ATAD2B: variants seen among roughly 807,000 people sequenced by gnomAD.
The protein encoded by ATAD2B is ATPase family AAA domain containing 2B, also known as ATPase family AAA domain-containing protein 2B.
ATAD2B carries 40 observed loss-of-function variants against 167.6 expected under a neutral mutation model. The observed-to-expected ratio is 0.24, with a 90% CI of 0.19 to 0.31. The LOEUF (loss-of-function observed/expected upper bound fraction) is 0.31, where lower values mean the gene tolerates loss of function less well. Ranked by LOEUF, ATAD2B falls within the 10% of genes least tolerant of loss-of-function variation. The probability of loss-of-function intolerance (pLI) is 1.00; values close to 1 mark genes in which losing one functional copy is unlikely to be tolerated. For synonymous variants in ATAD2B, 579 were observed against 596.5 expected (o/e 0.97, Z 0.43); for missense variants, 1,242 against 1,757.2 (o/e 0.71, Z 5.24).
At chr2:23,752,916 T>A (rs780138452) in intron 27 of ATAD2B, among the ~76,000 whole-genome samples, 2 of 152,134 alleles carry the variant, frequency 1.3e-5, no homozygotes, top group African/African-American at 4.8e-5. Context: ...GGCCTCTAGA[T>A]TATTAGGATT....
Position 23,926,730 on chromosome 2 carries a change from G to C in ATAD2B, c.41C>G (p.Ser14Cys), listed in dbSNP as rs1704922887. The change falls in exon 1 of 28, where the codon TCC (serine) becomes TGC (cysteine). Residue 14 changes from serine to cysteine, a missense_variant. By Grantham distance (112) the Ser-to-Cys change is moderately radical. This residue lies in a region of ATAD2B where 199 missense variants were observed against 194.9 expected (regional missense o/e 1.02). Transcript: ENST00000238789. ...CCCAGGCCCGGGACCAGGAGACTTG[G>C]ACCCGAGAAGGCGGAGAGAGCTCTT... ...TRKSSLRLLG[S>C]KSPGPGPGPG... is the part of the protein sequence containing the mutation. 1.3e-6 allele frequency: 2 copies of C among 1,548,604 alleles called. No homozygotes were observed. The highest frequency in any genetic ancestry group is 8.7e-7 in the Non-Finnish European group (1 of 1,146,416).
At chr2:23,841,803 A>T (rs1483146660) in intron 13 of ATAD2B, among the ~76,000 whole-genome samples, 2 of 152,234 alleles carry the variant, frequency 1.3e-5, no homozygotes, top group African/African-American at 4.8e-5. Flanking sequence ...AGCGTGAGCC[A>T]CTACACTCAT....
chr2:23,770,329 C>CAAACAAAT (rs777407055), intron 22 of ATAD2B, among the ~76,000 whole-genome samples: 11 of 151,094 alleles, frequency 7.3e-5, no homozygotes, highest in South Asian at 2.1e-4. Context: ...AATAAATAAA[C>CAAACAAAT]AAATAAATAA....
intron 14 of ATAD2B, chr2:23,832,720 A>G (rs538778142): frequency 7.2e-5 from 11 of 152,782 alleles, no homozygotes; most frequent in African/African-American, 2.6e-4. Flanking sequence ...TGATTGGCAT[A>G]TAGACTCTGA....
intron 22 of ATAD2B, among the ~76,000 whole-genome samples, chr2:23,768,565 C>G (rs946523270): frequency 1.3e-5 from 2 of 150,784 alleles, no homozygotes; most frequent in Admixed American, 6.6e-5. Flanking sequence ...AAGCAAGATC[C>G]TGTCTCCAAA....
intron 1 of ATAD2B, among the ~76,000 whole-genome samples, chr2:23,904,113 A>C (rs1284859333): frequency 6.6e-6 from 1 of 152,164 alleles, no homozygotes; most frequent in Admixed American, 6.6e-5. Context: ...AGTTGAAGTG[A>C]GTTAAGGAGC....
chr2:23,903,629 A>T, intron 1 of ATAD2B, among the ~76,000 whole-genome samples: 1 of 152,232 alleles, frequency 6.6e-6, no homozygotes, highest in Non-Finnish European at 1.5e-5. Flanking sequence ...AGAAATGAAT[A>T]GATGCTGCTC....
intron 16 of ATAD2B, 60 bp downstream of exon 16, chr2:23,823,198 A>G: frequency 2.3e-6 from 3 of 1,302,630 alleles, no homozygotes; most frequent in Non-Finnish European, 3.2e-6. Context: ...TGAGGAAACT[A>G]TATTTATTTA....
chr2:23,875,986 C>T, intron 7 of ATAD2B, 82 bp from the exon 8 acceptor site: 1 of 1,080,638 alleles, frequency 9.3e-7, no homozygotes, highest in Non-Finnish European at 1.3e-6. Context: ...ATGACTTCTG[C>T]TCACTTTTTT....
intron 10 of ATAD2B, 98 bp from the exon 11 acceptor site, chr2:23,865,022 C>G (rs562881808): frequency 9.5e-5 from 60 of 628,376 alleles, no homozygotes; most frequent in Middle Eastern, 8.5e-4. Flanking sequence ...GAAATACATG[C>G]CTTTAGCAGA....
At chr2:23,792,811 A>T (rs1386134457) in intron 19 of ATAD2B, among the ~76,000 whole-genome samples, 2 of 151,550 alleles carry the variant, frequency 1.3e-5, no homozygotes, top group Non-Finnish European at 2.9e-5. Context: ...AAATACAAAA[A>T]ATTAGCTGGG....
intron 1 of ATAD2B, among the ~76,000 whole-genome samples, chr2:23,898,546 A>G (rs957559195): frequency 1.3e-5 from 2 of 152,226 alleles, no homozygotes; most frequent in African/African-American, 2.4e-5. Context: ...CAATGAAGCT[A>G]TAACTCAACC....
intron 1 of ATAD2B, among the ~76,000 whole-genome samples, chr2:23,915,509 C>T (rs932211570): frequency 6.7e-6 from 1 of 149,894 alleles, no homozygotes; most frequent in Non-Finnish European, 1.5e-5. Context: ...CCAGGCTGGA[C>T]TCAAGCCATC....
chr2:23,833,689 C>T (rs184000883), intron 14 of ATAD2B, among the ~76,000 whole-genome samples: 1 of 152,298 alleles, frequency 6.6e-6, no homozygotes, highest in African/African-American at 2.4e-5. Flanking sequence ...TAAGCATCTA[C>T]AGTGATCTAT....
At chr2:23,733,779 ATC>A in the ATAD2B span, among the ~76,000 whole-genome samples, 10 of 152,250 alleles carry the variant, frequency 6.6e-5, 1 homozygote, top group South Asian at 1.5e-3. Context: ...CCTAGAAATG[ATC>A]TCTTTCTCAC....
rs796761000 is a variant in ATAD2B, at chr2:23,859,798, A to C, written c.1480-2295T>G. On this transcript the variant is annotated intron_variant, in intron 12 of 27. Coordinates refer to ENST00000238789, the MANE Select transcript of ATAD2B (RefSeq NM_017552.4). ...CGCCGTCTCTACTAAAAACACAAAAATTAGCCACGCGTGGCGGGGGGGGCA... is the reference window on the plus strand; with the variant it reads ...CGCCGTCTCTACTAAAAACACAAAACTTAGCCACGCGTGGCGGGGGGGGCA... Among the ~76,000 whole-genome samples the C allele has an allele frequency of 7.3e-5, 11 of 151,280 alleles. 1 individual carries two copies. Among genetic ancestry groups the C allele is most frequent in the African/African-American group, 2.7e-4 (11 of 41,202 alleles).
chr2:23,725,406 A>G, the ATAD2B span, among the ~76,000 whole-genome samples: 33 of 152,238 alleles, frequency 2.2e-4, no homozygotes, highest in African/African-American at 7.7e-4. Context: ...AATATAACAG[A>G]TTATGTCTTA....
In ATAD2B at chr2:23,823,233, A is replaced by G. The variant is rs554740038; in HGVS notation, c.2131+25T>C. ...ATTCCTGTATTTGTTTCATCTTAAC[A>G]ATATAAAAAAGTAGTTTAGAGTACC... On this transcript the variant is annotated intron_variant, in intron 16 of 27. Transcript: ENST00000238789. The G allele has an allele frequency of 2.8e-5, 43 of 1,539,646 alleles. No individual in the cohort carries two copies. The Admixed American group carries it at 7.0e-4, about 25-fold the overall frequency.
At chr2:23,872,150 A>C in intron 8 of ATAD2B, 6 of 278,560 alleles carry the variant, frequency 2.2e-5, no homozygotes, top group Non-Finnish European at 4.2e-5. Context: ...TGCTGGGATT[A>C]CAGGCATGAG....
Sources: gnomAD v4.1 joint callset for allele counts (sites outside exome capture counted in the v4.1 genomes callset) on GRCh38, gnomAD v4.1.1 for gene constraint, gnomAD v4.1.1 regional missense constraint, MANE v1.5 for transcripts, NCBI Gene and HGNC (gene_info 2026-07-23, HGNC 2026-07-21) for gene names.